The following XIRP2 variants were observed in gnomAD, a reference collection of about 807,000 sequenced individuals.
The protein encoded by XIRP2 is xin actin-binding repeat-containing protein 2.
A neutral mutation model predicts 277.0 loss-of-function variants in XIRP2; 236 were observed. The observed-to-expected ratio is 0.85, with a 90% CI of 0.77 to 0.95. The LOEUF is 0.95. Ranked by LOEUF, XIRP2 falls within the 40% of genes least tolerant of loss-of-function variation. The pLI is 0.00. For synonymous variants in XIRP2, 1,490 were observed against 1,416.5 expected, an observed-to-expected ratio of 1.05 and a Z score of -1.17; for missense variants, 4,640 against 4,157.5, an observed-to-expected ratio of 1.12 and a Z score of -3.19.
At chr2:167,035,664 C>A (rs1267611572) in intron 2 of XIRP2, among the ~76,000 whole-genome samples, 1 of 152,142 alleles carries the variant, frequency 6.6e-6, no homozygotes, top group Non-Finnish European at 1.5e-5. Context: ...AAAAGAAAAA[C>A]CCATTTTCTG....
chr2:166,999,596 A>G (rs1687311281), intron 2 of XIRP2, among the ~76,000 whole-genome samples: 1 of 152,048 alleles, frequency 6.6e-6, no homozygotes, highest in Non-Finnish European at 1.5e-5. Flanking sequence ...CCCTTTTACA[A>G]TTCATTCAAG....
chr2:167,256,862 T>C (rs1207547786), intron 10 of XIRP2, among the ~76,000 whole-genome samples: 1 of 151,888 alleles, frequency 6.6e-6, no homozygotes, highest in Non-Finnish European at 1.5e-5. Context: ...TTTCAGAACC[T>C]TCTCTTTCAT....
At chr2:167,093,736 T>C (rs1690216820) in intron 2 of XIRP2, among the ~76,000 whole-genome samples, 1 of 152,170 alleles carries the variant, frequency 6.6e-6, no homozygotes, top group Non-Finnish European at 1.5e-5. Flanking sequence ...TTTGGGTTGG[T>C]TCCAAGTCTT....
intron 6 of XIRP2, 123 bp downstream of exon 6, chr2:167,240,088 T>A: frequency 1.2e-6 from 1 of 854,226 alleles, no homozygotes; most frequent in Non-Finnish European, 1.7e-6. Flanking sequence ...TATCAGTGTT[T>A]CTTTCTCCAC....
chr2:166,957,966 A>G (rs985358728), intron 2 of XIRP2, among the ~76,000 whole-genome samples: 2 of 151,800 alleles, frequency 1.3e-5, no homozygotes, highest in African/African-American at 2.4e-5. Flanking sequence ...ATTGCTAGCT[A>G]CTTCCTGAGT....
At chr2:166,889,634 T>C (rs1684051974) in intron 1 of XIRP2, 1 of 152,936 alleles carries the variant, frequency 6.5e-6, no homozygotes, top group Admixed American at 6.5e-5. Flanking sequence ...AGGCCCACCT[T>C]GGCTTGCTCT....
intron 2 of XIRP2, among the ~76,000 whole-genome samples, chr2:166,918,888 T>C (rs1298973471): frequency 1.3e-5 from 2 of 152,182 alleles, no homozygotes. Context: ...TCAGGGTTGA[T>C]ATAGCAAAGC....
intron 3 of XIRP2, among the ~76,000 whole-genome samples, chr2:167,152,592 A>G (rs900519137): frequency 1.3e-5 from 2 of 152,108 alleles, no homozygotes; most frequent in South Asian, 2.1e-4. Flanking sequence ...AATATTTACT[A>G]TCTCTTATTT....
intron 2 of XIRP2, among the ~76,000 whole-genome samples, chr2:166,920,805 A>C (rs549088239): frequency 4.8e-4 from 73 of 152,234 alleles, no homozygotes; most frequent in African/African-American, 1.8e-3. Flanking sequence ...CCATATACAA[A>C]TGAGAAAATA....
At chr2:167,255,098 A>G (rs1184354797) in intron 10 of XIRP2, among the ~76,000 whole-genome samples, 1 of 151,630 alleles carries the variant, frequency 6.6e-6, no homozygotes, top group African/African-American at 2.4e-5. Flanking sequence ...CTCTCTGTCC[A>G]TTACCAAGAT....
At chr2:167,190,051 G>A (rs142601953) in intron 3 of XIRP2, among the ~76,000 whole-genome samples, 67 of 152,292 alleles carry the variant, frequency 4.4e-4, no homozygotes, top group Admixed American at 2.3e-3. Context: ...TATAATTCAG[G>A]AACAGACAGA....
chr2:166,946,648 T>C (rs1210590153), intron 2 of XIRP2, among the ~76,000 whole-genome samples: 1 of 152,076 alleles, frequency 6.6e-6, no homozygotes, highest in African/African-American at 2.4e-5. Flanking sequence ...TGGAGAATGA[T>C]AGATGATAGA....
intron 3 of XIRP2, among the ~76,000 whole-genome samples, chr2:167,177,497 G>A (rs963396642): frequency 3.9e-5 from 6 of 151,924 alleles, no homozygotes; most frequent in African/African-American, 1.4e-4. Flanking sequence ...TATAAAAAAA[G>A]TCTGCTTATA....
chr2:167,124,414 A>C (rs1047508504), intron 2 of XIRP2: 1 of 152,182 alleles, frequency 6.6e-6, no homozygotes, highest in Non-Finnish European at 1.5e-5. Context: ...CTCTAGAAGA[A>C]GTGTCTTCAC....
chr2:167,170,808 C>G (rs1442899461), intron 3 of XIRP2, among the ~76,000 whole-genome samples: 2 of 151,288 alleles, frequency 1.3e-5, no homozygotes, highest in African/African-American at 2.4e-5. Flanking sequence ...CTTATTTTTC[C>G]TATTTCCATT....
intron 2 of XIRP2, among the ~76,000 whole-genome samples, chr2:166,937,523 C>T (rs890035558): frequency 6.6e-6 from 1 of 152,066 alleles, no homozygotes; most frequent in African/African-American, 2.4e-5. Context: ...ATTTTTGCAT[C>T]GATGTTCCTC....
chr2:167,033,105 T>C (rs1688412116), intron 2 of XIRP2, among the ~76,000 whole-genome samples: 1 of 151,066 alleles, frequency 6.6e-6, no homozygotes, highest in African/African-American at 2.4e-5. Flanking sequence ...GATGGAATAC[T>C]ATCCTATAAA....
At chr2:167,012,002 G>T (rs1007782676) in intron 2 of XIRP2, among the ~76,000 whole-genome samples, 4 of 151,828 alleles carry the variant, frequency 2.6e-5, no homozygotes, top group African/African-American at 9.7e-5. Flanking sequence ...TATCAATTTT[G>T]TTGATCTTTT....
Position 167,248,117 on chromosome 2 carries a change from G to A in XIRP2, c.6725G>A (p.Arg2242Gln), listed in dbSNP as rs61750760. 207,355 of 1,612,876 alleles carry A rather than the reference G, an allele frequency of 0.13. 15,370 individuals are homozygous for A. Among genetic ancestry groups the A allele is most frequent in the African/African-American group, 0.3 (22,617 of 74,790 alleles). The stretch of plus-strand genomic sequence containing the variant: ...ACATTTAAGGCAACCAACAAAAAGC[G>A]GGAGACTGATGTTCACTTGAAAAGC... ...HNTFKATNKK[R>Q]ETDVHLKSQD... Residue 2242 changes from arginine (R) to glutamine (Q), a missense_variant, in exon 9 of 11, where the codon CGG becomes CAG. By Grantham distance (43) the Arg-to-Gln change is conservative (BLOSUM62 1). Transcript: ENST00000409195.
Sources: gnomAD v4.1 joint callset for allele counts (sites outside exome capture counted in the v4.1 genomes callset) on GRCh38, gnomAD v4.1.1 for gene constraint, MANE v1.5 for transcripts, NCBI Gene and HGNC (gene_info 2026-07-23, HGNC 2026-07-21) for gene names.